The following AJAP1 variants were observed in gnomAD, a reference collection of about 807,000 sequenced individuals.
The protein encoded by AJAP1 is adherens junction-associated protein 1.
In AJAP1, 5 loss-of-function variants were observed where a neutral mutation model predicts 35.0. The ratio of observed to expected loss-of-function variants is 0.14; its 90% CI spans 0.07 to 0.30. The LOEUF is 0.30. Among genes scored for constraint, AJAP1 ranks in the 10% least tolerant of loss-of-function variants. The pLI is 1.00. For synonymous variants in AJAP1, 284 were observed against 249.3 expected (o/e 1.14, Z -1.31); for missense variants, 586 against 571.0 (o/e 1.03, Z -0.27).
At chr1:4,755,508 G>A (rs565909330) in intron 2 of AJAP1, among the ~76,000 whole-genome samples, 11 of 152,152 alleles carry the variant, frequency 7.2e-5, no homozygotes, top group South Asian at 6.2e-4. Flanking sequence ...CAAGCTTCCG[G>A]CCTTGCTCCA....
intron 5 of AJAP1, chr1:4,777,300 A>G (rs1158935708): frequency 6.6e-6 from 1 of 152,236 alleles, no homozygotes; most frequent in African/African-American, 2.4e-5. Context: ...TGCATTTTTA[A>G]TGACGATGCA....
At chr1:4,675,073 G>A (rs185242093) in intron 1 of AJAP1, among the ~76,000 whole-genome samples, 7 of 152,058 alleles carry the variant, frequency 4.6e-5, no homozygotes, top group Non-Finnish European at 7.4e-5. Flanking sequence ...GGAGAGCGGT[G>A]GGGGGGAAAC....
intron 5 of AJAP1, among the ~76,000 whole-genome samples, chr1:4,776,525 G>C (rs944606719): frequency 5.9e-5 from 9 of 152,276 alleles, no homozygotes; most frequent in African/African-American, 1.2e-4. Context: ...ATTAGAACAG[G>C]AGCCCGCAGC....
chr1:4,773,024 CAT>C (rs1641871625), intron 4 of AJAP1, among the ~76,000 whole-genome samples: 1 of 152,154 alleles, frequency 6.6e-6, no homozygotes. Context: ...TTTTATTACT[CAT>C]GTGTAATCCC....
intron 2 of AJAP1, among the ~76,000 whole-genome samples, chr1:4,758,305 G>A (rs1641482414): frequency 6.6e-6 from 1 of 152,090 alleles, no homozygotes. Context: ...AAGCATCAGG[G>A]GCTGGCATAG....
rs963142427 is a variant in AJAP1, at chr1:4,656,164, C to T, written c.29+710C>T. ...CCGGGGCTTGTCTGTGTCTGGGACT[C>T]CAGGGCCAGATGGAAGAGGGGGTTC... On this transcript the variant is annotated intron_variant, in intron 1 of 5. Transcript: ENST00000378191. The surrounding 1 kb of genome is among the most constrained non-coding windows in gnomAD (Gnocchi z 5.7). 4.6e-5 allele frequency among the ~76,000 whole-genome samples: 7 copies of T among 152,154 alleles called. No individual in the cohort carries two copies. The highest frequency in any genetic ancestry group is 7.4e-5 in the Non-Finnish European group (5 of 68,026).
intron 5 of AJAP1, among the ~76,000 whole-genome samples, chr1:4,781,851 T>C (rs550278767): frequency 5.1e-4 from 78 of 152,288 alleles, no homozygotes; most frequent in African/African-American, 1.8e-3. Context: ...TTTTCCATTT[T>C]CCGAGGCTCG....
intron 2 of AJAP1, among the ~76,000 whole-genome samples, chr1:4,733,966 T>G (rs2100302778): frequency 6.6e-6 from 1 of 152,322 alleles, no homozygotes; most frequent in Middle Eastern, 3.4e-3. Context: ...GGGAGCTGAA[T>G]GGAGCGGTTC....
At chr1:4,744,627 A>G (rs1286757191) in intron 2 of AJAP1, among the ~76,000 whole-genome samples, 3 of 19,924 alleles carry the variant, frequency 1.5e-4, no homozygotes, top group Non-Finnish European at 2.7e-4. Flanking sequence ...ATGCATATGC[A>G]CACACACACA....
rs1032071116 is a variant in AJAP1 at position 4,787,878 on chromosome 1, A to G, written c.*5393A>G. ...CCCAGCACTGAGCTCACTTAGTGGCATCCTTCTTAAACAGCATCTGCTTTT... is the reference window on the plus strand; with the variant it reads ...CCCAGCACTGAGCTCACTTAGTGGCGTCCTTCTTAAACAGCATCTGCTTTT... On this transcript the variant is annotated 3_prime_UTR_variant, in exon 6 of 6. Transcript: ENST00000378191. 2.5e-6 allele frequency: 1 copy of G among 394,518 alleles called. No individual in the cohort carries two copies. The highest frequency in any genetic ancestry group is 2.1e-5 in the African/African-American group (1 of 48,264). 24.4% of individuals were successfully genotyped at this position (394,518 alleles called of 1,614,324 possible). A position where few individuals can be genotyped will look rare whatever the true frequency, so the allele number is the denominator to read the frequency against.
intron 2 of AJAP1, among the ~76,000 whole-genome samples, chr1:4,746,335 C>T (rs1001959196): frequency 6.6e-6 from 1 of 152,200 alleles, no homozygotes; most frequent in Non-Finnish European, 1.5e-5. Context: ...AATTGAGATC[C>T]TTAGCTAATC....
chr1:4,710,002 G>A lies in AJAP1; in HGVS notation c.30-1898G>A, dbSNP rs542427050. ...TACTGAACAGAGGGCGTGCCCCCAGGGATGCGTTCACACACAGCTACAACT... is the reference window on the plus strand; with the variant it reads ...TACTGAACAGAGGGCGTGCCCCCAGAGATGCGTTCACACACAGCTACAACT... On this transcript the variant is annotated intron_variant, in intron 1 of 5. Coordinates refer to ENST00000378191, the MANE Select transcript of AJAP1 (RefSeq NM_018836.4). Among the ~76,000 whole-genome samples, 4 of 152,118 alleles carry A rather than the reference G, an allele frequency of 2.6e-5. No individual in the cohort carries two copies. The South Asian group carries it at 8.3e-4, about 32-fold the overall frequency.
intron 2 of AJAP1, among the ~76,000 whole-genome samples, chr1:4,751,541 G>A (rs114922081): frequency 0.016 from 2,477 of 152,304 alleles, 59 homozygotes; most frequent in African/African-American, 0.056. Context: ...TGTGGCTGCT[G>A]CTTCTCTGGA....
intron 2 of AJAP1, among the ~76,000 whole-genome samples, chr1:4,743,929 AGCTCTCC>A (rs1641127239): frequency 1.3e-5 from 2 of 151,166 alleles, no homozygotes; most frequent in Non-Finnish European, 3.0e-5. Context: ...TCACTGAGAG[AGCTCTCC>A]AGGCTCTCCA....
intron 5 of AJAP1, among the ~76,000 whole-genome samples, chr1:4,780,435 C>T (rs1236106989): frequency 1.3e-5 from 2 of 151,912 alleles, no homozygotes; most frequent in Non-Finnish European, 2.9e-5. Flanking sequence ...CCAAGATGGA[C>T]ATATAAGAGG....
At chr1:4,660,887 C>T (rs1638985604) in intron 1 of AJAP1, among the ~76,000 whole-genome samples, 1 of 152,150 alleles carries the variant, frequency 6.6e-6, no homozygotes, top group African/African-American at 2.4e-5. Context: ...GAAGATCTGT[C>T]CACATCTTTA....
At chr1:4,697,450 C>T (rs575910207) in intron 1 of AJAP1, among the ~76,000 whole-genome samples, 2 of 152,348 alleles carry the variant, frequency 1.3e-5, no homozygotes, top group African/African-American at 4.8e-5. Context: ...GGTTTGTGTT[C>T]AAACAGAGGC....
intron 2 of AJAP1, among the ~76,000 whole-genome samples, chr1:4,725,579 C>T (rs1178294929): frequency 6.6e-6 from 1 of 152,202 alleles, no homozygotes; most frequent in East Asian, 1.9e-4. Flanking sequence ...AGGTCACCAG[C>T]TCCTTCCTTG....
chr1:4,747,348 G>A (rs976201717), intron 2 of AJAP1, among the ~76,000 whole-genome samples: 82 of 152,156 alleles, frequency 5.4e-4, no homozygotes, highest in African/African-American at 1.6e-3. Flanking sequence ...CACCTCACCC[G>A]GCCTCTGTTG....
Sources: allele counts gnomAD v4.1 joint callset (sites outside exome capture counted in the v4.1 genomes callset), GRCh38; gene constraint gnomAD v4.1.1; non-coding constraint Gnocchi (gnomAD v3.1); transcripts MANE v1.5; gene names NCBI Gene and HGNC (gene_info 2026-07-23, HGNC 2026-07-21).